Variants in ADK observed in about 807,000 individuals in gnomAD.
The protein encoded by ADK is adenosine kinase.
In ADK, 24 loss-of-function variants were observed where a neutral mutation model predicts 44.7. The ratio of observed to expected loss-of-function variants is 0.54; its 90% CI spans 0.39 to 0.76. ADK has a LOEUF of 0.76. Ranked by LOEUF, ADK falls within the 30% of genes least tolerant of loss-of-function variation. The pLI is 0.00. For synonymous variants in ADK, 128 were observed against 142.6 expected, an observed-to-expected ratio of 0.90 and a Z score of 0.73; for missense variants, 321 against 425.1, an observed-to-expected ratio of 0.76 and a Z score of 2.15.
chr10:74,557,630 A>T (rs954655039), intron 7 of ADK, among the ~76,000 whole-genome samples: 2 of 152,096 alleles, frequency 1.3e-5, no homozygotes, highest in Non-Finnish European at 2.9e-5. Flanking sequence ...GCCGCAAGAG[A>T]GAGAAGGGCA....
intron 7 of ADK, chr10:74,551,276 A>G (rs1850027552): frequency 6.6e-6 from 1 of 152,254 alleles, no homozygotes; most frequent in African/African-American, 2.4e-5. Flanking sequence ...GATTGTACAT[A>G]AATGTAAAAT....
At chr10:74,373,550 A>T (rs1233449521) in intron 4 of ADK, among the ~76,000 whole-genome samples, 2 of 152,200 alleles carry the variant, frequency 1.3e-5, no homozygotes, top group Non-Finnish European at 2.9e-5. Flanking sequence ...CAAATGACTA[A>T]GGAGCACATA....
intron 9 of ADK, among the ~76,000 whole-genome samples, chr10:74,611,265 A>C (rs1852532788): frequency 6.6e-6 from 1 of 152,072 alleles, no homozygotes; most frequent in African/African-American, 2.4e-5. Context: ...TCCTGAGCTC[A>C]AGTAATCTGC....
chr10:74,247,273 TAG>T, intron 3 of ADK, among the ~76,000 whole-genome samples: 1 of 127,504 alleles, frequency 7.8e-6, no homozygotes, highest in African/African-American at 3.0e-5. Flanking sequence ...CTGTGTCAGC[TAG>T]GCTCGGGGGC....
chr10:74,273,782 A>G (rs1477360513), intron 3 of ADK, among the ~76,000 whole-genome samples: 9 of 152,178 alleles, frequency 5.9e-5, no homozygotes, highest in Admixed American at 5.2e-4. Context: ...TTTCACAGGG[A>G]TTGACTGCTA....
intron 2 of ADK, among the ~76,000 whole-genome samples, chr10:74,201,654 A>G (rs1387351102): frequency 2.0e-5 from 2 of 99,432 alleles, no homozygotes; most frequent in African/African-American, 8.5e-5. Context: ...ATATGTATGT[A>G]TGTATGTATG....
intron 3 of ADK, among the ~76,000 whole-genome samples, chr10:74,240,613 A>G (rs1251497647): frequency 6.6e-6 from 1 of 152,178 alleles, no homozygotes; most frequent in Non-Finnish European, 1.5e-5. Flanking sequence ...TGTCATTTAT[A>G]TTCCTAAGAC....
At chr10:74,275,783 A>G (rs758475007) in intron 3 of ADK, among the ~76,000 whole-genome samples, 1 of 151,992 alleles carries the variant, frequency 6.6e-6, no homozygotes, top group Non-Finnish European at 1.5e-5. Flanking sequence ...CTCAGCCTCC[A>G]GTGCGGACCA....
intron 1 of ADK, among the ~76,000 whole-genome samples, chr10:74,186,819 G>A (rs1328974886): frequency 6.6e-6 from 1 of 152,126 alleles, no homozygotes; most frequent in East Asian, 1.9e-4. Context: ...CTTTTATTGT[G>A]AAGTAATATT....
rs186851934 is a variant in ADK, at chr10:74,414,441, G to C, written c.555+15862G>C. Among the ~76,000 whole-genome samples the C allele has an allele frequency of 2.6e-5, 4 of 152,264 alleles. No homozygotes were observed. The East Asian group carries it at 7.7e-4, about 29-fold the overall frequency. On this transcript the variant is annotated intron_variant, in intron 6 of 10. Coordinates refer to ENST00000539909, the MANE Select transcript of ADK (RefSeq NM_006721.4). The stretch of plus-strand genomic sequence containing the variant: ...TTTTGCTGGATAAATTTTCAAACAA[G>C]AGTGTGATTATAGGCTGGACGTGGT...
chr10:74,667,732 T>A (rs1318080302), intron 9 of ADK, among the ~76,000 whole-genome samples: 1 of 151,738 alleles, frequency 6.6e-6, no homozygotes, highest in Non-Finnish European at 1.5e-5. Context: ...AGCCGGGATT[T>A]TACCATGTTG....
intron 4 of ADK, among the ~76,000 whole-genome samples, chr10:74,360,455 G>T (rs1197429671): frequency 1.3e-5 from 2 of 152,104 alleles, no homozygotes; most frequent in African/African-American, 4.8e-5. Flanking sequence ...TTTCTGTTGG[G>T]ATGATCTGTC....
chr10:74,199,582 TC>T (rs1843299630), intron 1 of ADK, among the ~76,000 whole-genome samples: 1 of 152,230 alleles, frequency 6.6e-6, no homozygotes, highest in South Asian at 2.1e-4. Flanking sequence ...CTTTATCCAT[TC>T]TACCATTGAT....
rs3037448 is a variant in ADK, at chr10:74,677,965, CAAAAAA to C, written c.964+7718_964+7723del. 3.9e-4 allele frequency among the ~76,000 whole-genome samples: 17 copies of C among 43,072 alleles called. No homozygotes were observed. The South Asian group carries it at 5.8e-3, about 15-fold the overall frequency. The allele number at this position is 43,072 out of a possible 152,430, so 28.3% of individuals were successfully genotyped here. A position where few individuals can be genotyped will look rare whatever the true frequency, so the allele number is the denominator to read the frequency against. On this transcript the variant is annotated intron_variant, in intron 10 of 10. Coordinates refer to ENST00000539909, the MANE Select transcript of ADK (RefSeq NM_006721.4). ...CAGCACAGTGAGACCCCAGTCTCTA[CAAAAAA>C]AAAAAAAAAAAAAAAAAAAAATAGC... is the stretch of plus-strand genomic sequence containing the variant.
chr10:74,698,603 G>T (rs1285155540), intron 10 of ADK, among the ~76,000 whole-genome samples: 1 of 152,148 alleles, frequency 6.6e-6, no homozygotes, highest in East Asian at 1.9e-4. Flanking sequence ...TCCCATTCTG[G>T]AGTGCAGTGG....
chr10:74,484,923 T>C (rs946127437), intron 6 of ADK, among the ~76,000 whole-genome samples: 5 of 152,154 alleles, frequency 3.3e-5, no homozygotes, highest in African/African-American at 1.2e-4. Context: ...AATATGAAGG[T>C]AAAATGACAG....
At chr10:74,707,500 C>T (rs1040557088) in intron 10 of ADK, among the ~76,000 whole-genome samples, 5 of 152,024 alleles carry the variant, frequency 3.3e-5, no homozygotes, top group Non-Finnish European at 2.9e-5. Context: ...TGGTGGCTCA[C>T]GCCTGTAATC....
chr10:74,210,440 A>C (rs1843773322), intron 2 of ADK, among the ~76,000 whole-genome samples: 1 of 152,106 alleles, frequency 6.6e-6, no homozygotes, highest in South Asian at 2.1e-4. Context: ...CAAACCTTAC[A>C]TGAGTTTTTA....
chr10:74,152,993 A>G (rs151232341), intron 1 of ADK, among the ~76,000 whole-genome samples: 139 of 152,304 alleles, frequency 9.1e-4, no homozygotes, highest in African/African-American at 3.2e-3. Context: ...TACTTTTATT[A>G]TATTAATTTG....
Sources: allele counts gnomAD v4.1 joint callset (sites outside exome capture counted in the v4.1 genomes callset), GRCh38; gene constraint gnomAD v4.1.1; transcripts MANE v1.5; gene names NCBI Gene and HGNC (gene_info 2026-07-23, HGNC 2026-07-21).